Variants in WDR5 observed in about 807,000 individuals in gnomAD.
WDR5 encodes WD repeat domain 5, also known as WD repeat-containing protein 5.
For missense variants in WDR5, 187 were observed against 416.9 expected, an observed-to-expected ratio of 0.45 and a Z score of 4.80; for synonymous variants, 144 against 161.6, an observed-to-expected ratio of 0.89 and a Z score of 0.83.
In WDR5 at chr9:134,140,730, C is replaced by T; in HGVS notation, c.109C>T (p.Leu37=). 1 of 1,614,204 alleles carries T rather than the reference C, an allele frequency of 6.2e-7. No homozygotes were observed. Among genetic ancestry groups the T allele is most frequent in the African/African-American group, 1.3e-5 (1 of 75,048 alleles). ...TACACCTGTGAAGCCAAACTATGCT[C>T]TAAAGTTCACCCTTGCTGGCCACAC... ...KPTPVKPNYA[L]KFTLAGHTKA... is the part of the protein sequence containing the mutation. Residue 37 remains leucine, a synonymous_variant, in exon 3 of 14, where the codon CTA becomes TTA. Transcript: ENST00000358625.
rs1370563102 is a variant in WDR5, at chr9:134,149,616, TTAC to T, written c.584+1275_584+1277del. 2.0e-5 allele frequency among the ~76,000 whole-genome samples: 3 copies of T among 152,128 alleles called. No homozygotes were observed. The East Asian group carries it at 5.8e-4, about 29-fold the overall frequency. On this transcript the variant is annotated intron_variant, in intron 8 of 13. Coordinates refer to ENST00000358625, the MANE Select transcript of WDR5 (RefSeq NM_017588.3). ...AAGTGAGCACGGGACAGTCTCAGAA[TTAC>T]TCATGGACCTGGCTCTAAGAACTTT...
chr9:134,154,905 C>T (rs1463810776), intron 10 of WDR5, among the ~76,000 whole-genome samples: 2 of 152,206 alleles, frequency 1.3e-5, no homozygotes, highest in Non-Finnish European at 1.5e-5. Flanking sequence ...AAGCCACTGC[C>T]CTCCTGGGCT....
intron 9 of WDR5, among the ~76,000 whole-genome samples, chr9:134,154,007 G>A (rs553443277): frequency 6.6e-6 from 1 of 152,214 alleles, no homozygotes; most frequent in South Asian, 2.1e-4. Flanking sequence ...GGCATTAGCT[G>A]TGGATGTGAC....
chr9:134,147,159 A>G (rs1381991335), intron 7 of WDR5, among the ~76,000 whole-genome samples: 3 of 152,270 alleles, frequency 2.0e-5, no homozygotes, highest in Non-Finnish European at 4.4e-5. Context: ...AAGTAATTTC[A>G]CTTGTCTTTT....
chr9:134,142,410 T>C lies in WDR5; in HGVS notation c.432T>C (p.Ile144=). 6.2e-7 allele frequency: 1 copy of C among 1,614,204 alleles called. No individual in the cohort carries two copies. The change falls in exon 6 of 14, where the codon ATT becomes ATC. Residue 144 remains isoleucine (I), a synonymous_variant. Transcript: ENST00000358625. ...CCNFNPQSNL[I]VSGSFDESVR... Reference sequence around the variant, plus strand: ...ACTTCAATCCCCAGTCCAACCTTATTGTCTCAGGATCCGTAAGTGTGGCTG... The same window carrying C: ...ACTTCAATCCCCAGTCCAACCTTATCGTCTCAGGATCCGTAAGTGTGGCTG...
intron 9 of WDR5, among the ~76,000 whole-genome samples, chr9:134,153,778 G>A (rs1262267967): frequency 6.6e-6 from 1 of 152,114 alleles, no homozygotes; most frequent in African/African-American, 2.4e-5. Flanking sequence ...CCCAGGGGTG[G>A]GGCCTGCACC....
chr9:134,141,540 C>T lies in WDR5; in HGVS notation c.221C>T (p.Ala74Val), dbSNP rs1285809053. 10 of 1,614,006 alleles carry T rather than the reference C, an allele frequency of 6.2e-6. No homozygotes were observed. The highest frequency in any genetic ancestry group is 8.5e-6 in the Non-Finnish European group (10 of 1,179,980). The part of the protein sequence containing the change: ...SADKLIKIWG[A>V]YDGKFEKTIS... ...GATAAACTTATTAAAATTTGGGGCG[C>T]GTATGATGGGAAATTTGAGAAAACC... The change falls in exon 4 of 14, where the codon GCG becomes GTG. Residue 74 changes from alanine (A) to valine (V), a missense_variant. Ala to Val is a moderately conservative substitution (Grantham distance 64, BLOSUM62 0). Coordinates refer to ENST00000358625, the MANE Select transcript of WDR5 (RefSeq NM_017588.3).
chr9:134,153,333 C>T (rs1414977995), intron 9 of WDR5, among the ~76,000 whole-genome samples: 5 of 152,118 alleles, frequency 3.3e-5, no homozygotes, highest in East Asian at 1.9e-4. Flanking sequence ...AGGGTGGGGA[C>T]GGAGGGGTCG....
In WDR5 at chr9:134,141,871, G is replaced by A. The variant is rs1301933556; in HGVS notation, c.265-78G>A. 168 of 1,375,836 alleles carry A rather than the reference G, an allele frequency of 1.2e-4. 1 individual carries two copies. The highest frequency in any genetic ancestry group is 8.8e-4 in the South Asian group (74 of 84,254). 85.2% of individuals were successfully genotyped at this position (1,375,836 alleles called of 1,614,324 possible). Reference sequence around the variant, plus strand: ...GAGAAGATTTCCTGAGGGCAATGGGGATGTTTGGGATTTTGACCTTTTGCC... The same window carrying A: ...GAGAAGATTTCCTGAGGGCAATGGGAATGTTTGGGATTTTGACCTTTTGCC... On this transcript the variant is annotated intron_variant, in intron 4 of 13. Coordinates refer to ENST00000358625, the MANE Select transcript of WDR5 (RefSeq NM_017588.3).
Position 134,158,770 on chromosome 9 carries a change from G to A in WDR5, c.*777G>A, listed in dbSNP as rs570063017. ...CTCCCCTGGGGCAAGAGGGTGGAAG[G>A]TTTCTTTGGACAGGAGGTGCTGAGG... is the stretch of plus-strand genomic sequence containing the variant. On this transcript the variant is annotated 3_prime_UTR_variant, in exon 14 of 14. Coordinates refer to ENST00000358625, the MANE Select transcript of WDR5 (RefSeq NM_017588.3). 6.6e-6 allele frequency: 1 copy of A among 151,618 alleles called. No individual in the cohort carries two copies. The highest frequency in any genetic ancestry group is 1.5e-5 in the Non-Finnish European group (1 of 67,968). The allele number at this position is 151,618 out of a possible 1,614,324, so 9.4% of individuals were successfully genotyped here.
intron 1 of WDR5, among the ~76,000 whole-genome samples, chr9:134,138,002 A>T (rs1047369399): frequency 6.6e-6 from 1 of 152,188 alleles, no homozygotes; most frequent in African/African-American, 2.4e-5. Flanking sequence ...TCAGCCTCCC[A>T]AAGTGCTGAG....
rs193246694 is a variant in WDR5 at position 134,147,258 on chromosome 9, C to T, written c.529-1030C>T. ...GAGTCTAGCCTAGTGCTTCTCTGGGCGTGCAGCAGCAGGCAGCATGCCCCG... is the reference window on the plus strand; with the variant it reads ...GAGTCTAGCCTAGTGCTTCTCTGGGTGTGCAGCAGCAGGCAGCATGCCCCG... On this transcript the variant is annotated intron_variant, in intron 7 of 13. Coordinates refer to ENST00000358625, the MANE Select transcript of WDR5 (RefSeq NM_017588.3). 6.6e-5 allele frequency among the ~76,000 whole-genome samples: 10 copies of T among 152,286 alleles called. No homozygotes were observed. In the East Asian group the frequency reaches 1.2e-3, roughly 18 times the overall value.
chr9:134,142,117 C>T (rs1831922677), intron 5 of WDR5, 79 bp downstream of exon 5: 3 of 1,341,608 alleles, frequency 2.2e-6, no homozygotes, highest in South Asian at 1.2e-5. Context: ...GAGTTGACTG[C>T]TCAGTAAGCA....
chr9:134,152,508 A>G (rs1832545529), intron 9 of WDR5, among the ~76,000 whole-genome samples: 1 of 152,214 alleles, frequency 6.6e-6, no homozygotes, highest in Non-Finnish European at 1.5e-5. Context: ...TGGGAAGGCC[A>G]GGTGCTGGGC....
In WDR5 at chr9:134,142,618, C is replaced by T; in HGVS notation, c.445-18C>T. ...CCTCTCCTTCCTGTAAAATCACTGT[C>T]ATCTCTTTTGTGTTCAGTTTGACGA... On this transcript the variant is annotated intron_variant, in intron 6 of 13. Coordinates refer to ENST00000358625, the MANE Select transcript of WDR5 (RefSeq NM_017588.3). 5 of 1,613,764 alleles carry T rather than the reference C, an allele frequency of 3.1e-6. No homozygotes were observed. Among genetic ancestry groups the T allele is most frequent in the Non-Finnish European group, 4.2e-6 (5 of 1,179,636 alleles).
Position 134,159,080 on chromosome 9 carries a change from C to CT in WDR5, c.*1088dup. ...GTGCTAAGCGCGAGCCTCGCCGTCC[C>CT]TGCTGGAGCCCTCGCCTGCCTGCCC... On this transcript the variant is annotated 3_prime_UTR_variant, in exon 14 of 14. Coordinates refer to ENST00000358625, the MANE Select transcript of WDR5 (RefSeq NM_017588.3). The surrounding 1 kb of genome is among the most constrained non-coding windows in gnomAD (Gnocchi z 4.3). The CT allele has an allele frequency of 6.6e-6, 1 of 151,340 alleles. No homozygotes were observed. The highest frequency in any genetic ancestry group is 3.3e-3 in the Middle Eastern group (1 of 304). 9.4% of individuals were successfully genotyped at this position (151,340 alleles called of 1,614,324 possible).
At chr9:134,140,877 AG>A (rs1194005489) in intron 3 of WDR5, 66 bp downstream of exon 3, 1 of 1,496,422 alleles carries the variant, frequency 6.7e-7, no homozygotes, top group East Asian at 2.3e-5. Context: ...AAAGCTGGCG[AG>A]GGGATGGCTT....
chr9:134,156,648 C>T (rs1445794063), intron 13 of WDR5, 55 bp downstream of exon 13: 1 of 1,581,914 alleles, frequency 6.3e-7, no homozygotes, highest in Non-Finnish European at 8.7e-7. Context: ...AGGACAGTTC[C>T]TGCAGGTGAA....
intron 10 of WDR5, among the ~76,000 whole-genome samples, chr9:134,155,021 TG>T (rs1359806540): frequency 6.6e-6 from 1 of 152,214 alleles, no homozygotes; most frequent in African/African-American, 2.4e-5. Context: ...AAACCTGTTC[TG>T]GATGTTTCCA....
Sources: allele counts gnomAD v4.1 joint callset (sites outside exome capture counted in the v4.1 genomes callset), GRCh38; gene constraint gnomAD v4.1.1; non-coding constraint Gnocchi (gnomAD v3.1); transcripts MANE v1.5; gene names NCBI Gene and HGNC (gene_info 2026-07-23, HGNC 2026-07-21).